The following POLN variants were observed in gnomAD, a reference collection of about 807,000 sequenced individuals.
POLN encodes DNA polymerase nu, also known as DNA polymerase N.
A neutral mutation model predicts 113.5 loss-of-function variants in POLN; 108 were observed. The observed-to-expected ratio is 0.95, with a 90% CI of 0.81 to 1.12. POLN has a LOEUF of 1.12. Ranked by LOEUF, POLN falls within the 50% of genes most tolerant of loss-of-function variation. The pLI is 0.00. For synonymous variants in POLN, 386 were observed against 391.5 expected (o/e 0.99, Z 0.17); for missense variants, 1,097 against 1,077.1 (o/e 1.02, Z -0.26).
chr4:2,077,894 C>T (rs1730313105), intron 23 of POLN, among the ~76,000 whole-genome samples: 1 of 152,178 alleles, frequency 6.6e-6, no homozygotes, highest in Middle Eastern at 3.2e-3. Flanking sequence ...GCCTTGGATC[C>T]TGTTGTGTTC....
At chr4:2,198,280 A>G (rs1339334668) in intron 6 of POLN, among the ~76,000 whole-genome samples, 1 of 152,122 alleles carries the variant, frequency 6.6e-6, no homozygotes, top group Non-Finnish European at 1.5e-5. Context: ...TCTCACTGTG[A>G]AGTTGCTTCA....
intron 19 of POLN, among the ~76,000 whole-genome samples, chr4:2,124,447 A>G (rs1295069752): frequency 6.6e-6 from 1 of 152,108 alleles, no homozygotes; most frequent in Non-Finnish European, 1.5e-5. Context: ...AATTTAAAAA[A>G]AAATTTTTTT....
chr4:2,152,921 T>C (rs984412449), intron 16 of POLN, among the ~76,000 whole-genome samples: 31 of 152,192 alleles, frequency 2.0e-4, no homozygotes, highest in Non-Finnish European at 4.4e-4. Flanking sequence ...TAAAAGCTAT[T>C]AAAAGTAAAA....
At chr4:2,158,012 C>T (rs1055146549) in intron 14 of POLN, 101 bp from the exon 15 acceptor site, 16 of 827,214 alleles carry the variant, frequency 1.9e-5, no homozygotes, top group Admixed American at 7.3e-5. Context: ...AGTGCAGTGG[C>T]GTGATCTCGG....
At position 2,240,224 on chromosome 4, in the gene POLN, T is replaced by C. The variant is rs746828526; in HGVS notation, c.-13+1296A>G. ...CACAAATAGATGGTGTCTGTATATC[T>C]AAAAGTTGAAAATTGTCTTCATTTG... On this transcript the variant is annotated intron_variant, in intron 2 of 25. Transcript: ENST00000511885. The C allele has an allele frequency of 7.4e-6, 12 of 1,613,692 alleles. No homozygotes were observed. In the Admixed American group the frequency reaches 1.8e-4, roughly 25 times the overall value.
At chr4:2,240,286 G>GT (rs1321737329) in intron 2 of POLN, 1 of 1,612,836 alleles carries the variant, frequency 6.2e-7, no homozygotes, top group Non-Finnish European at 8.5e-7. Context: ...TGAAAGAACT[G>GT]TTTTTTGGTA....
At position 2,170,684 on chromosome 4, in the gene POLN, C is replaced by T. The variant is rs142422374; in HGVS notation, c.1549G>A (p.Ala517Thr). ...GLQKYPSTSE[A>T]VLNALRDLHP... ...GGATAACTCTGAAACCTTACCACTGCTTCTGATGTAGACGGGTATTTCTGC... is the reference window on the plus strand; with the variant it reads ...GGATAACTCTGAAACCTTACCACTGTTTCTGATGTAGACGGGTATTTCTGC... Residue 517 changes from alanine to threonine, a missense_variant, in exon 13 of 26, where the codon GCA (alanine) becomes ACA (threonine). Coordinates refer to ENST00000511885, the MANE Select transcript of POLN (RefSeq NM_181808.4). 30 of 1,612,010 alleles carry T rather than the reference C, an allele frequency of 1.9e-5. No individual in the cohort carries two copies. Among genetic ancestry groups the T allele is most frequent in the Non-Finnish European group, 2.5e-5 (29 of 1,178,298 alleles).
chr4:2,241,322 T>G (rs957713090), intron 2 of POLN, among the ~76,000 whole-genome samples, 198 bp downstream of exon 2: 4 of 152,220 alleles, frequency 2.6e-5, no homozygotes, highest in African/African-American at 9.7e-5. Context: ...TTGGATCCAT[T>G]TTATCTTTTT....
chr4:2,231,797 AT>A, intron 2 of POLN: 1 of 583,162 alleles, frequency 1.7e-6, no homozygotes, highest in East Asian at 3.2e-5. Context: ...ACAAATTAAT[AT>A]AATAGTTCAA....
chr4:2,107,019 C>G (rs1392955027), intron 19 of POLN, among the ~76,000 whole-genome samples: 1 of 152,000 alleles, frequency 6.6e-6, no homozygotes, highest in Non-Finnish European at 1.5e-5. Context: ...ATTGAAGTTT[C>G]CAACCTGTCT....
chr4:2,188,204 A>G (rs1733328218), intron 7 of POLN, among the ~76,000 whole-genome samples: 2 of 152,154 alleles, frequency 1.3e-5, no homozygotes, highest in African/African-American at 2.4e-5. Context: ...TATCCTTCAC[A>G]CGTGAAAAAG....
intron 24 of POLN, among the ~76,000 whole-genome samples, chr4:2,073,521 G>A (rs918284604): frequency 6.6e-6 from 1 of 152,226 alleles, no homozygotes; most frequent in African/African-American, 2.4e-5. Context: ...GAAGTTTGAG[G>A]CAACAGTGGC....
At chr4:2,240,616 T>G in intron 2 of POLN, 3 of 1,613,212 alleles carry the variant, frequency 1.9e-6, no homozygotes, top group Non-Finnish European at 2.5e-6. Context: ...TTCTTTAATT[T>G]CAGTAGAGTT....
intron 4 of POLN, 108 bp downstream of exon 4, chr4:2,212,939 T>C (rs1734027810): frequency 3.3e-6 from 2 of 602,970 alleles, no homozygotes; most frequent in Non-Finnish European, 5.0e-6. Flanking sequence ...TTTTTTTTTT[T>C]TTAAGGTGTG....
chr4:2,149,296 AAAACAAAC>A (rs149342459), intron 16 of POLN, among the ~76,000 whole-genome samples: 71 of 150,784 alleles, frequency 4.7e-4, no homozygotes, highest in African/African-American at 8.1e-4. Context: ...CCCTATCTCA[AAAACAAAC>A]AAACAAACAA....
chr4:2,121,155 CT>C (rs1561009939), intron 19 of POLN, among the ~76,000 whole-genome samples: 1 of 151,976 alleles, frequency 6.6e-6, no homozygotes, highest in Non-Finnish European at 1.5e-5. Context: ...GCTATTGGGG[CT>C]GGGTGTGGTA....
rs1403037416 is a variant in POLN at position 2,193,175 on chromosome 4, TTA to T, written c.1021+27_1021+28del. 11 of 1,499,330 alleles carry T rather than the reference TTA, an allele frequency of 7.3e-6. 1 individual carries two copies. The South Asian group carries it at 1.3e-4, about 17-fold the overall frequency. The allele number at this position is 1,499,330 out of a possible 1,614,324, so 92.9% of individuals were successfully genotyped here. A position where few individuals can be genotyped will look rare whatever the true frequency, so the allele number is the denominator to read the frequency against. On this transcript the variant is annotated intron_variant, in intron 7 of 25. Coordinates refer to ENST00000511885, the MANE Select transcript of POLN (RefSeq NM_181808.4). ...GAGGAGTCACAGTTGAAGAGTTAAA[TTA>T]TAGAGAGAATAAAAAATATAACTTA...
rs75222248 is a variant in POLN, at chr4:2,182,825, T to TA, written c.1022-3361dup. On this transcript the variant is annotated intron_variant, in intron 7 of 25. Coordinates refer to ENST00000511885, the MANE Select transcript of POLN (RefSeq NM_181808.4). ...AAAACACAAATAAATCGGATTTCCT[T>TA]AAAAAAAAAAAAGTGTGCTTCAAAG... Among the ~76,000 whole-genome samples the TA allele has an allele frequency of 3.7e-3, 540 of 144,208 alleles. 2 individuals are homozygous for TA. Among genetic ancestry groups the TA allele is most frequent in the African/African-American group, 6.1e-3 (243 of 40,112 alleles). 94.6% of individuals were successfully genotyped at this position (144,208 alleles called of 152,430 possible). A position where few individuals can be genotyped will look rare whatever the true frequency, so the allele number is the denominator to read the frequency against.
intron 19 of POLN, among the ~76,000 whole-genome samples, chr4:2,102,778 A>C (rs868430222): frequency 6.6e-6 from 1 of 152,186 alleles, no homozygotes; most frequent in African/African-American, 2.4e-5. Flanking sequence ...CCTACACCCT[A>C]ACATCCCAAA....
Sources: gnomAD v4.1 joint callset for allele counts (sites outside exome capture counted in the v4.1 genomes callset) on GRCh38, gnomAD v4.1.1 for gene constraint, MANE v1.5 for transcripts, NCBI Gene and HGNC (gene_info 2026-07-23, HGNC 2026-07-21) for gene names.